PTPRD: variants seen among roughly 807,000 people sequenced by gnomAD.
PTPRD encodes the protein protein tyrosine phosphatase receptor type D, also known as receptor-type tyrosine-protein phosphatase delta.
A neutral mutation model predicts 214.5 loss-of-function variants in PTPRD; 34 were observed. The ratio of observed to expected loss-of-function variants is 0.16; its 90% CI spans 0.12 to 0.21. The LOEUF is 0.21. Among genes scored for constraint, PTPRD ranks in the 10% least tolerant of loss-of-function variants. The pLI is 1.00. For synonymous variants in PTPRD, 1,128 were observed against 845.7 expected, an observed-to-expected ratio of 1.33 and a Z score of -5.79; for missense variants, 2,545 against 2,398.7, an observed-to-expected ratio of 1.06 and a Z score of -1.27.
chr9:10,532,884 G>C (rs1590210592), intron 2 of PTPRD, among the ~76,000 whole-genome samples: 1 of 151,736 alleles, frequency 6.6e-6, no homozygotes, highest in Admixed American at 6.6e-5. Context: ...TTTTCAGAAA[G>C]CCATCTGCTA....
At chr9:8,553,252 T>C (rs772977818) in intron 14 of PTPRD, among the ~76,000 whole-genome samples, 6 of 152,176 alleles carry the variant, frequency 3.9e-5, no homozygotes, top group Non-Finnish European at 5.9e-5. Flanking sequence ...TGTGCCTTTA[T>C]AGAAATATTA....
At chr9:9,338,840 C>A (rs535619882) in intron 9 of PTPRD, among the ~76,000 whole-genome samples, 1 of 152,264 alleles carries the variant, frequency 6.6e-6, no homozygotes, top group Non-Finnish European at 1.5e-5. Flanking sequence ...CATCTCTCCC[C>A]TACCCCCTCA....
intron 5 of PTPRD, among the ~76,000 whole-genome samples, chr9:9,885,353 A>G (rs1290474053): frequency 6.6e-6 from 1 of 152,040 alleles, no homozygotes; most frequent in African/African-American, 2.4e-5. Flanking sequence ...AAGATTTAAG[A>G]TGATGCCTCA....
chr9:10,265,414 T>C (rs887510823), intron 3 of PTPRD, among the ~76,000 whole-genome samples: 1 of 152,172 alleles, frequency 6.6e-6, no homozygotes, highest in Non-Finnish European at 1.5e-5. Flanking sequence ...CGTAGCCACA[T>C]GAGTGAGTCC....
chr9:9,426,854 T>C (rs953349261), intron 8 of PTPRD, among the ~76,000 whole-genome samples: 3 of 152,112 alleles, frequency 2.0e-5, no homozygotes, highest in Non-Finnish European at 4.4e-5. Context: ...TCCTGACTGT[T>C]AGAAGGAAAA....
intron 43 of PTPRD, among the ~76,000 whole-genome samples, chr9:8,334,176 T>G (rs748143100): frequency 6.6e-6 from 1 of 152,088 alleles, no homozygotes; most frequent in Non-Finnish European, 1.5e-5. Context: ...AGCTCTGGAC[T>G]AAGCAGACCT....
At chr9:10,144,031 G>C (rs2099006071) in intron 3 of PTPRD, among the ~76,000 whole-genome samples, 1 of 151,804 alleles carries the variant, frequency 6.6e-6, no homozygotes, top group Non-Finnish European at 1.5e-5. Flanking sequence ...ATAAACCTGT[G>C]ATTGTACACT....
chr9:9,473,092 C>G (rs534696191), intron 8 of PTPRD, among the ~76,000 whole-genome samples: 100 of 152,144 alleles, frequency 6.6e-4, no homozygotes, highest in African/African-American at 2.4e-3. Flanking sequence ...AACTTTATAC[C>G]TGTTAACCAA....
At chr9:8,957,117 C>G (rs1228435513) in intron 11 of PTPRD, among the ~76,000 whole-genome samples, 1 of 151,864 alleles carries the variant, frequency 6.6e-6, no homozygotes, top group African/African-American at 2.4e-5. Context: ...CTTGACAAAG[C>G]TGCACTATGA....
chr9:9,207,892 A>T (rs1052265955), intron 9 of PTPRD, among the ~76,000 whole-genome samples: 14 of 152,068 alleles, frequency 9.2e-5, no homozygotes, highest in African/African-American at 3.4e-4. Context: ...ATGAGAAATA[A>T]CTCTATATAC....
intron 3 of PTPRD, among the ~76,000 whole-genome samples, chr9:10,135,641 T>C (rs1485482514): frequency 6.6e-6 from 1 of 152,004 alleles, no homozygotes; most frequent in Non-Finnish European, 1.5e-5. Flanking sequence ...GTTCCACAAG[T>C]GAAGAAGAAA....
At chr9:9,936,885 C>A (rs2089667413) in intron 5 of PTPRD, among the ~76,000 whole-genome samples, 1 of 145,938 alleles carries the variant, frequency 6.9e-6, no homozygotes, top group African/African-American at 2.6e-5. Context: ...CCATGGAATA[C>A]TATGCAGCCA....
intron 5 of PTPRD, among the ~76,000 whole-genome samples, chr9:9,848,239 C>G (rs954359449): frequency 6.6e-6 from 1 of 152,050 alleles, no homozygotes. Flanking sequence ...GCCACAGATT[C>G]CCCAGTACTG....
intron 10 of PTPRD, among the ~76,000 whole-genome samples, chr9:9,179,642 C>A (rs551533380): frequency 1.3e-5 from 2 of 152,176 alleles, no homozygotes; most frequent in South Asian, 2.1e-4. Context: ...AAGACATACA[C>A]CCTCCTTTTA....
At chr9:9,274,466 T>A (rs957603432) in intron 9 of PTPRD, among the ~76,000 whole-genome samples, 9 of 151,262 alleles carry the variant, frequency 5.9e-5, no homozygotes, top group African/African-American at 9.7e-5. Flanking sequence ...AGATGGCAAA[T>A]TATAAAGACT....
intron 12 of PTPRD, among the ~76,000 whole-genome samples, chr9:8,680,286 C>A (rs1402936758): frequency 1.3e-5 from 2 of 152,038 alleles, no homozygotes; most frequent in African/African-American, 4.8e-5. Flanking sequence ...TCAATGATAC[C>A]ACCTGTTCCT....
chr9:8,326,018 G>C (rs1245804107), intron 44 of PTPRD, among the ~76,000 whole-genome samples: 2 of 152,186 alleles, frequency 1.3e-5, no homozygotes, highest in East Asian at 3.9e-4. Flanking sequence ...TGTGCAAACA[G>C]AGACAATTTG....
chr9:10,443,678 G>C lies in PTPRD; in HGVS notation c.-599-102661C>G, dbSNP rs1443617172. Among the ~76,000 whole-genome samples the C allele has an allele frequency of 2.0e-5, 3 of 151,160 alleles. No homozygotes were observed. The East Asian group carries it at 5.8e-4, about 29-fold the overall frequency. Reference sequence around the variant, plus strand: ...ATCAAATAAGATTTATTGCTAAATAGCTTTCCCATGAGGTCTGCTTGCCTT... The same window carrying C: ...ATCAAATAAGATTTATTGCTAAATACCTTTCCCATGAGGTCTGCTTGCCTT... On this transcript the variant is annotated intron_variant, in intron 2 of 45. Coordinates refer to ENST00000381196, the MANE Select transcript of PTPRD (RefSeq NM_002839.4).
chr9:9,334,567 G>C (rs1048721032), intron 9 of PTPRD, among the ~76,000 whole-genome samples: 1 of 151,892 alleles, frequency 6.6e-6, no homozygotes, highest in African/African-American at 2.4e-5. Context: ...AAATGGGTCT[G>C]CCACTTTCTC....
Sources: gnomAD v4.1 joint callset for allele counts (sites outside exome capture counted in the v4.1 genomes callset) on GRCh38, gnomAD v4.1.1 for gene constraint, MANE v1.5 for transcripts, NCBI Gene and HGNC (gene_info 2026-07-23, HGNC 2026-07-21) for gene names.